Variants in DCHS2 observed in about 807,000 individuals in gnomAD.
The protein encoded by DCHS2 is dachsous cadherin-related 2.
DCHS2 carries 142 observed loss-of-function variants against 182.4 expected under a neutral mutation model. The ratio of observed to expected loss-of-function variants is 0.78; its 90% CI spans 0.68 to 0.89. DCHS2 has a LOEUF of 0.89. DCHS2 is among the 40% of genes least tolerant of loss of function. DCHS2 has a pLI of 0.00. For synonymous variants in DCHS2, 1,740 were observed against 1,663.3 expected, an observed-to-expected ratio of 1.05 and a Z score of -1.12; for missense variants, 4,319 against 4,198.6, an observed-to-expected ratio of 1.03 and a Z score of -0.79.
intron 1 of DCHS2, among the ~76,000 whole-genome samples, chr4:154,381,069 A>C (rs1731145981): frequency 6.6e-6 from 1 of 152,082 alleles, no homozygotes. Flanking sequence ...CCATTATCGC[A>C]ATCTTATGGT....
intron 3 of DCHS2, chr4:154,352,566 A>T (rs1473070420): frequency 6.6e-6 from 1 of 152,214 alleles, no homozygotes; most frequent in East Asian, 1.9e-4. Context: ...ACAAACACAG[A>T]CAGATAATTT....
Position 154,491,269 on chromosome 4 carries a change from T to C in DCHS2, c.87A>G (p.Arg29=). Residue 29 remains arginine, a synonymous_variant, in exon 1 of 20, where the codon AGA becomes AGG. Transcript: ENST00000357232. The part of the protein sequence containing the change: ...VGKLLLLPGR[R]DTPHGRSGSS... ...TGCCTGACCGCCCATGGGGTGTATC[T>C]CTCCTCCCGGGGAGCAGAAGGAGCT... 1 of 1,550,920 alleles carries C rather than the reference T, an allele frequency of 6.4e-7. No individual in the cohort carries two copies. The highest frequency in any genetic ancestry group is 8.7e-7 in the Non-Finnish European group (1 of 1,146,788).
At chr4:154,477,669 G>T (rs546553364) in intron 1 of DCHS2, among the ~76,000 whole-genome samples, 1 of 152,214 alleles carries the variant, frequency 6.6e-6, no homozygotes, top group African/African-American at 2.4e-5. Context: ...ATAAGAGAAC[G>T]TTGTACTCAG....
chr4:154,414,401 A>T (rs985539320), intron 1 of DCHS2, among the ~76,000 whole-genome samples: 1 of 149,444 alleles, frequency 6.7e-6, no homozygotes. Context: ...TCCTAGGTTG[A>T]GTTTCTAACA....
intron 13 of DCHS2, among the ~76,000 whole-genome samples, chr4:154,286,021 C>T (rs1029984504): frequency 6.6e-6 from 1 of 152,018 alleles, no homozygotes; most frequent in Non-Finnish European, 1.5e-5. Flanking sequence ...CAGCTCAGCA[C>T]AGAGCAAAAG....
intron 1 of DCHS2, among the ~76,000 whole-genome samples, chr4:154,420,211 C>T (rs1020695456): frequency 2.0e-5 from 3 of 150,610 alleles, no homozygotes; most frequent in Admixed American, 1.3e-4. Flanking sequence ...AGTCAGAGTT[C>T]TCCAGAGAAA....
intron 3 of DCHS2, among the ~76,000 whole-genome samples, chr4:154,348,098 G>A (rs1225886021): frequency 6.6e-6 from 1 of 151,974 alleles, no homozygotes; most frequent in Admixed American, 6.5e-5. Flanking sequence ...CAACAGGGAT[G>A]TGGGCTGATA....
intron 13 of DCHS2, chr4:154,284,420 C>A (rs1734295370): frequency 6.6e-6 from 1 of 152,226 alleles, no homozygotes; most frequent in Admixed American, 6.5e-5. Context: ...AAAGGACCTT[C>A]ATAAGAACCA....
chr4:154,366,007 C>A (rs566902466), intron 3 of DCHS2, among the ~76,000 whole-genome samples: 3 of 152,010 alleles, frequency 2.0e-5, no homozygotes, highest in Non-Finnish European at 4.4e-5. Flanking sequence ...CAGTAGTAGG[C>A]AAAGCTGGGA....
At position 154,490,534 on chromosome 4, in the gene DCHS2, G is replaced by T; in HGVS notation, c.822C>A (p.Pro274=). 6.5e-7 allele frequency: 1 copy of T among 1,537,410 alleles called. No individual in the cohort carries two copies. Among genetic ancestry groups the T allele is most frequent in the Middle Eastern group, 1.7e-4 (1 of 5,968 alleles). The change falls in exon 1 of 20, where the codon CCC becomes CCA. Residue 274 remains proline, a synonymous_variant. Transcript: ENST00000357232. ...CCACGCTCAGGAGGCCGGTGCGCCG[G>T]GGTCGGCCGCCGTCCCATGCCTCGA... is the stretch of plus-strand genomic sequence containing the variant. ...LQIEAWDGGR[P]RRTGLLSVEL...
In DCHS2 at chr4:154,305,176, G is replaced by A. The variant is rs527767391; in HGVS notation, c.5316C>T (p.Phe1772=). The part of the protein sequence containing the change: ...EIMPGASFEL[F]EINSDTGEVV... ...CCTCTCCAGTGTCAGAATTTATCTCGAATAATTCAAATGAAGCACCTGGCA... is the reference window on the plus strand; with the variant it reads ...CCTCTCCAGTGTCAGAATTTATCTCAAATAATTCAAATGAAGCACCTGGCA... The change falls in exon 11 of 20, where the codon TTC becomes TTT. Residue 1772 remains phenylalanine (F), a synonymous_variant. Transcript: ENST00000357232. The A allele has an allele frequency of 8.1e-6, 13 of 1,612,570 alleles. No individual in the cohort carries two copies. Among genetic ancestry groups the A allele is most frequent in the East Asian group, 2.2e-5 (1 of 44,770 alleles).
chr4:154,479,992 C>A (rs1198251451), intron 1 of DCHS2, among the ~76,000 whole-genome samples: 1 of 152,156 alleles, frequency 6.6e-6, no homozygotes, highest in Non-Finnish European at 1.5e-5. Flanking sequence ...ACAGAACAGC[C>A]TTTGTATTAT....
chr4:154,490,068 C>A lies in DCHS2; in HGVS notation c.1288G>T (p.Ala430Ser), dbSNP rs1422823953. ...CGAGCCACGTAGTCGCCCGGTCGGGCGCCTTCAGAGACACGGGCGACGCCT... is the reference window on the plus strand; with the variant it reads ...CGAGCCACGTAGTCGCCCGGTCGGGAGCCTTCAGAGACACGGGCGACGCCT... ...EGGVARVSEG[A>S]RPGDYVARVS... is the part of the protein sequence containing the mutation. Residue 430 changes from alanine (A) to serine (S), a missense_variant, in exon 1 of 20, where the codon GCC becomes TCC. By Grantham distance (99) the Ala-to-Ser change is moderately conservative. Transcript: ENST00000357232. 4 of 1,549,258 alleles carry A rather than the reference C, an allele frequency of 2.6e-6. No homozygotes were observed. Among genetic ancestry groups the A allele is most frequent in the African/African-American group, 2.7e-5 (2 of 73,034 alleles).
chr4:154,426,003 C>T lies in DCHS2; in HGVS notation c.2053-48559G>A, dbSNP rs151298835. 9.3e-3 allele frequency among the ~76,000 whole-genome samples: 1,420 copies of T among 152,288 alleles called. 8 individuals are homozygous for T. Among genetic ancestry groups the T allele is most frequent in the Middle Eastern group, 0.034 (10 of 294 alleles). On this transcript the variant is annotated intron_variant, in intron 1 of 19. Transcript: ENST00000357232. ...ATGGATCCCTGGGCCTTTCTTTGAT[C>T]GCCCTCCCCTGCCCTATTTTTTGTT...
chr4:154,479,164 G>C (rs1443251073), intron 1 of DCHS2, among the ~76,000 whole-genome samples: 1 of 152,062 alleles, frequency 6.6e-6, no homozygotes, highest in African/African-American at 2.4e-5. Flanking sequence ...TTGTATAAGT[G>C]AAAAATATAA....
intron 1 of DCHS2, among the ~76,000 whole-genome samples, chr4:154,459,380 T>C (rs1419549345): frequency 1.3e-5 from 2 of 151,682 alleles, no homozygotes; most frequent in African/African-American, 4.8e-5. Flanking sequence ...TTACGTTTCA[T>C]TAAAAAAAAA....
chr4:154,428,159 T>C (rs1907152), intron 1 of DCHS2, among the ~76,000 whole-genome samples: 121,787 of 152,022 alleles, frequency 0.8, 52,395 homozygotes, highest in Non-Finnish European at 0.95. Flanking sequence ...GAGAGACACA[T>C]TGGAGATATG....
intron 1 of DCHS2, among the ~76,000 whole-genome samples, chr4:154,405,267 T>C (rs1271623263): frequency 1.3e-5 from 2 of 151,812 alleles, no homozygotes; most frequent in African/African-American, 4.8e-5. Flanking sequence ...AATAAATAAA[T>C]AAAAATAAAA....
intron 3 of DCHS2, among the ~76,000 whole-genome samples, chr4:154,345,676 T>TC (rs5863095): frequency 1 from 151,589 of 152,330 alleles, 75,427 homozygotes; most frequent in Middle Eastern, 1. Context: ...TTTGTCCCCC[T>TC]CACAAGTTAA....
Sources: allele counts gnomAD v4.1 joint callset (sites outside exome capture counted in the v4.1 genomes callset), GRCh38; gene constraint gnomAD v4.1.1; transcripts MANE v1.5; gene names NCBI Gene and HGNC (gene_info 2026-07-23, HGNC 2026-07-21).